Variants in FYN observed in about 807,000 individuals in gnomAD.
The protein encoded by FYN is tyrosine-protein kinase Fyn.
A neutral mutation model predicts 70.2 loss-of-function variants in FYN; 10 were observed. That is an observed-to-expected ratio of 0.14 (90% CI 0.09 to 0.24). The LOEUF (loss-of-function observed/expected upper bound fraction) is 0.24, where lower values mean the gene tolerates loss of function less well. Ranked by LOEUF, FYN falls within the 10% of genes least tolerant of loss-of-function variation. FYN has a pLI of 1.00. For synonymous variants in FYN, 236 were observed against 248.6 expected (o/e 0.95, Z 0.48); for missense variants, 319 against 673.1 (o/e 0.47, Z 5.82).
chr6:111,699,080 TCAA>T (rs1366649578), intron 9 of FYN, among the ~76,000 whole-genome samples: 7 of 152,174 alleles, frequency 4.6e-5, no homozygotes, highest in Non-Finnish European at 7.3e-5. Flanking sequence ...AGACTCCGTC[TCAA>T]CAACAACAAA....
chr6:111,723,023 TG>T (rs1801027614), intron 3 of FYN, among the ~76,000 whole-genome samples: 1 of 152,204 alleles, frequency 6.6e-6, no homozygotes, highest in South Asian at 2.1e-4. Context: ...TCTAGAAGCT[TG>T]TGCACTGTGA....
intron 3 of FYN, among the ~76,000 whole-genome samples, chr6:111,727,563 T>C (rs1801246574): frequency 6.6e-6 from 1 of 152,102 alleles, no homozygotes; most frequent in African/African-American, 2.4e-5. Context: ...AGAAGATAGA[T>C]GTAAAAGTGG....
chr6:111,868,373 T>C (rs1360044204), intron 1 of FYN, among the ~76,000 whole-genome samples: 2 of 152,188 alleles, frequency 1.3e-5, no homozygotes, highest in African/African-American at 4.8e-5. Context: ...CATAAACTTA[T>C]ACAGACCTAA....
At chr6:111,857,391 CACACTATCTTGAA>C (rs1773849661) in intron 1 of FYN, among the ~76,000 whole-genome samples, 1 of 152,214 alleles carries the variant, frequency 6.6e-6, no homozygotes, top group Non-Finnish European at 1.5e-5. Context: ...CCAGAAACCC[CACACTATCTTGAA>C]ACATCAGGTG....
intron 3 of FYN, among the ~76,000 whole-genome samples, chr6:111,773,501 G>T (rs1449787599): frequency 1.1e-4 from 9 of 83,858 alleles, no homozygotes; most frequent in Non-Finnish European, 1.9e-4. Flanking sequence ...GAGGGAGAGC[G>T]GGGGAGGGAG....
At chr6:111,725,071 T>C (rs911816867) in intron 3 of FYN, among the ~76,000 whole-genome samples, 1 of 152,114 alleles carries the variant, frequency 6.6e-6, no homozygotes, top group Admixed American at 6.5e-5. Flanking sequence ...AGGAAAAGGA[T>C]AAGATGTGGC....
chr6:111,811,906 C>T (rs772261335), intron 2 of FYN, among the ~76,000 whole-genome samples: 11 of 152,088 alleles, frequency 7.2e-5, no homozygotes, highest in East Asian at 1.9e-4. Context: ...TCTGGAAGAA[C>T]GGGACTCTCC....
chr6:111,670,986 T>C (rs1401600474), intron 13 of FYN, among the ~76,000 whole-genome samples: 1 of 152,214 alleles, frequency 6.6e-6, no homozygotes, highest in South Asian at 2.1e-4. Flanking sequence ...TTCTGAACTC[T>C]TGCTTGCAGA....
intron 2 of FYN, among the ~76,000 whole-genome samples, chr6:111,843,522 C>T (rs900330389): frequency 1.3e-5 from 2 of 152,180 alleles, no homozygotes; most frequent in Non-Finnish European, 2.9e-5. Flanking sequence ...TGCACTACTG[C>T]GTCCCCCTCT....
chr6:111,854,402 C>T (rs1433320241), intron 1 of FYN, among the ~76,000 whole-genome samples: 1 of 152,200 alleles, frequency 6.6e-6, no homozygotes, highest in Non-Finnish European at 1.5e-5. Context: ...TAACTCCTTC[C>T]GGTCTTGATT....
chr6:111,700,633 G>A (rs1308577687), intron 8 of FYN, among the ~76,000 whole-genome samples: 6 of 152,186 alleles, frequency 3.9e-5, no homozygotes, highest in Non-Finnish European at 5.9e-5. Context: ...GAAGAAAAAC[G>A]TTTTCAGCTC....
intron 9 of FYN, among the ~76,000 whole-genome samples, chr6:111,698,710 T>G (rs1320337965): frequency 6.6e-6 from 1 of 152,208 alleles, no homozygotes; most frequent in Non-Finnish European, 1.5e-5. Flanking sequence ...AAGAGAAGTA[T>G]GTATCTCTAC....
intron 3 of FYN, among the ~76,000 whole-genome samples, chr6:111,739,981 G>A (rs1219842975): frequency 1.3e-5 from 2 of 152,118 alleles, no homozygotes; most frequent in South Asian, 2.1e-4. Flanking sequence ...CTGCCACCAC[G>A]CCCAGCTAAT....
At chr6:111,712,291 A>C (rs1800418485) in intron 5 of FYN, among the ~76,000 whole-genome samples, 1 of 152,194 alleles carries the variant, frequency 6.6e-6, no homozygotes, top group Non-Finnish European at 1.5e-5. Context: ...TGAAATTTCT[A>C]ATCAACCTTG....
At chr6:111,783,222 A>C (rs1771241404) in intron 2 of FYN, among the ~76,000 whole-genome samples, 1 of 152,212 alleles carries the variant, frequency 6.6e-6, no homozygotes, top group African/African-American at 2.4e-5. Context: ...AACCACTTAT[A>C]AGGGCATTGT....
At chr6:111,862,352 G>T (rs1773986596) in intron 1 of FYN, among the ~76,000 whole-genome samples, 1 of 152,192 alleles carries the variant, frequency 6.6e-6, no homozygotes, top group Non-Finnish European at 1.5e-5. Context: ...TTCTCAAAAT[G>T]AAATGGTGGT....
At chr6:111,814,752 G>A (rs759184261) in intron 2 of FYN, among the ~76,000 whole-genome samples, 1 of 152,134 alleles carries the variant, frequency 6.6e-6, no homozygotes, top group African/African-American at 2.4e-5. Context: ...AACAAAAAGT[G>A]GGAGATGGCA....
intron 3 of FYN, among the ~76,000 whole-genome samples, chr6:111,770,390 T>C (rs2128499153): frequency 6.6e-6 from 1 of 152,316 alleles, no homozygotes; most frequent in South Asian, 2.1e-4. Flanking sequence ...ACAGTGCTGA[T>C]TCAGACCTTT....
chr6:111,778,496 GC>G (rs1481416714), intron 3 of FYN, among the ~76,000 whole-genome samples: 1 of 151,916 alleles, frequency 6.6e-6, no homozygotes, highest in Non-Finnish European at 1.5e-5. Flanking sequence ...GGACTAGATT[GC>G]TTTTCTTTCC....
Sources: allele counts gnomAD v4.1 joint callset (sites outside exome capture counted in the v4.1 genomes callset), GRCh38; gene constraint gnomAD v4.1.1; transcripts MANE v1.5; gene names NCBI Gene and HGNC (gene_info 2026-07-23, HGNC 2026-07-21).